Variants in PAK5 observed in about 807,000 individuals in gnomAD.
PAK5 encodes serine/threonine-protein kinase PAK 5.
A neutral mutation model predicts 65.9 loss-of-function variants in PAK5; 16 were observed. The observed-to-expected ratio is 0.24, with a 90% confidence interval of 0.16 to 0.37. PAK5 has a LOEUF of 0.37. PAK5 is among the 10% of genes least tolerant of loss of function. PAK5 has a pLI of 1.00. For missense variants in PAK5, 785 were observed against 903.9 expected (o/e 0.87, Z 1.69); for synonymous variants, 371 against 354.9 (o/e 1.05, Z -0.51).
chr20:9,819,568 AT>A (rs574793778), intron 1 of PAK5, among the ~76,000 whole-genome samples: 110 of 146,570 alleles, frequency 7.5e-4, no homozygotes, highest in African/African-American at 1.4e-3. Context: ...TTTAAAAAAC[AT>A]TTTTTTTTTT....
intron 1 of PAK5, among the ~76,000 whole-genome samples, chr20:9,791,245 A>T (rs1416327190): frequency 6.6e-6 from 1 of 152,092 alleles, no homozygotes; most frequent in African/African-American, 2.4e-5. Context: ...TCCTGGAAAG[A>T]CCTAGCAGGG....
chr20:9,799,878 T>C (rs1460046183), intron 1 of PAK5, among the ~76,000 whole-genome samples: 1 of 145,474 alleles, frequency 6.9e-6, no homozygotes, highest in Non-Finnish European at 1.5e-5. Flanking sequence ...GAAGTGGAAG[T>C]TGTTGTGAGC....
chr20:9,799,939 C>CAAAA (rs71331383), intron 1 of PAK5, among the ~76,000 whole-genome samples: 11 of 43,652 alleles, frequency 2.5e-4, no homozygotes, highest in African/African-American at 4.3e-4. Flanking sequence ...ACTCTGTCTC[C>CAAAA]AAAAAAAAAA....
intron 3 of PAK5, among the ~76,000 whole-genome samples, chr20:9,613,864 A>G (rs905277351): frequency 6.6e-6 from 1 of 152,164 alleles, no homozygotes; most frequent in African/African-American, 2.4e-5. Flanking sequence ...TCACAGGGCT[A>G]TGGAACCCTT....
In PAK5 at chr20:9,538,676, T is replaced by C. The variant is rs969369323; in HGVS notation, c.*786A>G. The C allele has an allele frequency of 4.3e-6, 1 of 233,258 alleles. No individual in the cohort carries two copies. Among genetic ancestry groups the C allele is most frequent in the African/African-American group, 2.2e-5 (1 of 45,334 alleles). 14.4% of individuals were successfully genotyped at this position (233,258 alleles called of 1,614,324 possible). The stretch of plus-strand genomic sequence containing the variant: ...TCATGGAAAATGTGATCTTTAAAAA[T>C]ATTTAACTTTATCCCAAGGAGTGGT... On this transcript the variant is annotated 3_prime_UTR_variant, in exon 10 of 10. Transcript: ENST00000353224.
intron 2 of PAK5, among the ~76,000 whole-genome samples, chr20:9,705,237 A>AT (rs1316096158): frequency 1.6e-5 from 2 of 127,792 alleles, no homozygotes; most frequent in Non-Finnish European, 3.5e-5. Context: ...GATGTGTCTA[A>AT]TTAAAAAAAA....
chr20:9,746,058 T>G (rs60561107), intron 1 of PAK5, among the ~76,000 whole-genome samples: 10,963 of 152,236 alleles, frequency 0.072, 433 homozygotes, highest in South Asian at 0.1. Flanking sequence ...CCCAAAACTT[T>G]CTCATCTCCC....
chr20:9,827,938 T>G (rs1978396852), intron 1 of PAK5, among the ~76,000 whole-genome samples: 1 of 152,218 alleles, frequency 6.6e-6, no homozygotes, highest in Non-Finnish European at 1.5e-5. Flanking sequence ...TTCAAGCGAT[T>G]CTCTTGCCTC....
At chr20:9,674,184 A>G (rs899978045) in intron 2 of PAK5, among the ~76,000 whole-genome samples, 3 of 152,182 alleles carry the variant, frequency 2.0e-5, no homozygotes, top group Non-Finnish European at 2.9e-5. Context: ...AGTAAGACTG[A>G]GTTTCCAAGT....
At chr20:9,790,919 T>A (rs2049043955) in intron 1 of PAK5, among the ~76,000 whole-genome samples, 2 of 152,166 alleles carry the variant, frequency 1.3e-5, no homozygotes, top group Non-Finnish European at 2.9e-5. Flanking sequence ...CTGGTCCTCA[T>A]CTTCCGTGGC....
rs1300707354 is a variant in PAK5 at position 9,724,270 on chromosome 20, T to C, written c.-161-12835A>G. ...ATATTTTTAAGAGTTATTGTCAAAT[T>C]TGAGAAACTTCTCTCAAGTGTAAGT... On this transcript the variant is annotated intron_variant, in intron 1 of 9. Coordinates refer to ENST00000353224, the MANE Select transcript of PAK5 (RefSeq NM_177990.4). Among the ~76,000 whole-genome samples the C allele has an allele frequency of 3.3e-5, 5 of 152,344 alleles. No individual in the cohort carries two copies. In the East Asian group the frequency reaches 9.6e-4, roughly 29 times the overall value.
chr20:9,539,007 T>TCTAGAATGC lies in PAK5; in HGVS notation c.*454_*455insGCATTCTAG. On this transcript the variant is annotated 3_prime_UTR_variant, in exon 10 of 10. Coordinates refer to ENST00000353224, the MANE Select transcript of PAK5 (RefSeq NM_177990.4). ...GTACTATAAATTATCAAAACTATCG[T>TCTAGAATGC]ACAGAAAAATTACAAATTCGTTGCA... The TCTAGAATGC allele has an allele frequency of 4.3e-6, 1 of 233,812 alleles. No individual in the cohort carries two copies. The highest frequency in any genetic ancestry group is 8.4e-6 in the Non-Finnish European group (1 of 118,404). 14.5% of individuals were successfully genotyped at this position (233,812 alleles called of 1,614,324 possible).
At chr20:9,595,085 A>T (rs1441817325) in intron 3 of PAK5, among the ~76,000 whole-genome samples, 3 of 151,180 alleles carry the variant, frequency 2.0e-5, no homozygotes. Flanking sequence ...ATACATATAT[A>T]TATACACATA....
chr20:9,718,893 C>T (rs187444956), intron 1 of PAK5, among the ~76,000 whole-genome samples: 189 of 152,210 alleles, frequency 1.2e-3, no homozygotes, highest in Non-Finnish European at 2.2e-3. Flanking sequence ...ATTCCATTAC[C>T]GGGTTTGACA....
intron 3 of PAK5, among the ~76,000 whole-genome samples, chr20:9,605,454 T>C (rs1054830499): frequency 6.6e-6 from 1 of 152,186 alleles, no homozygotes; most frequent in Non-Finnish European, 1.5e-5. Context: ...CACCTAACTA[T>C]AAGGTCTTAT....
intron 3 of PAK5, among the ~76,000 whole-genome samples, chr20:9,594,845 T>C (rs1238944847): frequency 6.6e-6 from 1 of 152,190 alleles, no homozygotes; most frequent in Admixed American, 6.5e-5. Context: ...CCACAACCAT[T>C]TGCCTTTGAT....
chr20:9,796,408 T>C (rs979653294), intron 1 of PAK5, among the ~76,000 whole-genome samples: 1 of 151,978 alleles, frequency 6.6e-6, no homozygotes, highest in Non-Finnish European at 1.5e-5. Context: ...CAGACACAAA[T>C]GGCCCCAAGA....
chr20:9,733,224 G>T (rs1325870930), intron 1 of PAK5, among the ~76,000 whole-genome samples: 1 of 152,176 alleles, frequency 6.6e-6, no homozygotes, highest in Non-Finnish European at 1.5e-5. Context: ...TACACACTGG[G>T]ATAAATTCTT....
intron 3 of PAK5, among the ~76,000 whole-genome samples, chr20:9,618,914 C>CTTTTTT (rs2046714022): frequency 4.6e-5 from 1 of 21,850 alleles, no homozygotes; most frequent in Non-Finnish European, 9.0e-5. Context: ...CTCTTTCTTT[C>CTTTTTT]GTTTTTTTTT....
Sources: allele counts gnomAD v4.1 joint callset (sites outside exome capture counted in the v4.1 genomes callset), GRCh38; gene constraint gnomAD v4.1.1; transcripts MANE v1.5; gene names NCBI Gene and HGNC (gene_info 2026-07-23, HGNC 2026-07-21).